KIF19: variants seen among roughly 807,000 people sequenced by gnomAD.
KIF19 encodes the protein kinesin family member 19, also known as kinesin-like protein KIF19.
A neutral mutation model predicts 106.6 loss-of-function variants in KIF19; 98 were observed. The ratio of observed to expected loss-of-function variants is 0.92; its 90% CI spans 0.78 to 1.09. The LOEUF (loss-of-function observed/expected upper bound fraction) is 1.09, where lower values mean the gene tolerates loss of function less well. KIF19 is among the 50% of genes least tolerant of loss of function. The pLI is 0.00. For synonymous variants in KIF19, 516 were observed against 584.2 expected (o/e 0.88, Z 1.68); for missense variants, 1,373 against 1,414.3 (o/e 0.97, Z 0.47).
chr17:74,353,639 T>G (rs897640460), intron 17 of KIF19, 58 bp downstream of exon 17: 7 of 1,390,282 alleles, frequency 5.0e-6, no homozygotes, highest in Non-Finnish European at 6.1e-6. Flanking sequence ...ACTGTTCAGA[T>G]CACCCAGCTC....
intron 2 of KIF19, chr17:74,328,733 TGGG>T (rs2053987524): frequency 2.1e-6 from 1 of 485,776 alleles, no homozygotes; most frequent in African/African-American, 2.0e-5. Flanking sequence ...CTAGCCTGGG[TGGG>T]CCCTGATCCT....
chr17:74,335,546 C>T (rs1200972857), intron 2 of KIF19, among the ~76,000 whole-genome samples: 3 of 152,338 alleles, frequency 2.0e-5, no homozygotes, highest in East Asian at 3.9e-4. Flanking sequence ...TAAAAGACTC[C>T]GACTCCGTCT....
Position 74,351,925 on chromosome 17 carries a change from C to G in KIF19, c.1646C>G (p.Thr549Arg), listed in dbSNP as rs1200415976. 2.8e-5 allele frequency: 41 copies of G among 1,446,734 alleles called. No homozygotes were observed. The highest frequency in any genetic ancestry group is 7.5e-5 in the African/African-American group (5 of 66,988). 89.6% of individuals were successfully genotyped at this position (1,446,734 alleles called of 1,614,324 possible). A position where few individuals can be genotyped will look rare whatever the true frequency, so the allele number is the denominator to read the frequency against. Reference sequence around the variant, plus strand: ...GCGCGGGGCCGGCGCCTGGAGGAGACGCTGCCGCGGCGCATCGGCTCCGAG... The same window carrying G: ...GCGCGGGGCCGGCGCCTGGAGGAGAGGCTGCCGCGGCGCATCGGCTCCGAG... ...LRARGRRLEE[T>R]LPRRIGSEEQ... Residue 549 changes from threonine to arginine, a missense_variant, in exon 13 of 20, where the codon ACG becomes AGG. Transcript: ENST00000389916.
intron 12 of KIF19, 192 bp downstream of exon 12, chr17:74,351,097 T>C: frequency 1.6e-6 from 1 of 629,162 alleles, no homozygotes; most frequent in Non-Finnish European, 2.9e-6. Flanking sequence ...ATGGGAGCAG[T>C]CCATGGTGCA....
At chr17:74,347,232 C>G (rs1755676447) in intron 8 of KIF19, among the ~76,000 whole-genome samples, 1 of 152,146 alleles carries the variant, frequency 6.6e-6, no homozygotes, top group African/African-American at 2.4e-5. Flanking sequence ...TGCAAAAGGA[C>G]TGCCCCCTTA....
At chr17:74,336,972 CGT>C (rs2054233186) in intron 2 of KIF19, among the ~76,000 whole-genome samples, 1 of 151,916 alleles carries the variant, frequency 6.6e-6, no homozygotes, top group Admixed American at 6.6e-5. Context: ...ACTACAGGCG[CGT>C]GCCACCATGC....
chr17:74,352,149 G>GC lies in KIF19; in HGVS notation c.1858+17dup. 6 of 1,582,178 alleles carry GC rather than the reference G, an allele frequency of 3.8e-6. 1 individual carries two copies. The African/African-American group carries it at 5.4e-5, about 14-fold the overall frequency. ...GCAGATCATCGACGGTAGGGCCCAC[G>GC]CCCCCGCGCATCTGAGCCACCCGCG... On this transcript the variant is annotated intron_variant, in intron 13 of 19. Transcript: ENST00000389916.
At chr17:74,328,326 T>C (rs970233118) in intron 1 of KIF19, 99 bp from the exon 2 acceptor site, 2 of 1,077,896 alleles carry the variant, frequency 1.9e-6, no homozygotes, top group Admixed American at 2.2e-5. Context: ...AGGCCTGAGA[T>C]GGCTGAATGC....
chr17:74,355,135 G>A (rs1382751347), intron 19 of KIF19, 47 bp from the exon 20 acceptor site: 1 of 1,557,672 alleles, frequency 6.4e-7, no homozygotes, highest in Admixed American at 1.8e-5. Flanking sequence ...GAGAGGAGTT[G>A]GGGAGGCATT....
At position 74,328,521 on chromosome 17, in the gene KIF19, C is replaced by T. The variant is rs377445897; in HGVS notation, c.120+16C>T. On this transcript the variant is annotated intron_variant, in intron 2 of 19. Coordinates refer to ENST00000389916, the MANE Select transcript of KIF19 (RefSeq NM_153209.4). ...GGATGAGCAGGTATGCAGGGCTCTG[C>T]AGCAGGAGCTGCAGGGCAGAGGTCT... 1.3e-5 allele frequency: 21 copies of T among 1,592,840 alleles called. No individual in the cohort carries two copies. The highest frequency in any genetic ancestry group is 1.5e-5 in the Non-Finnish European group (18 of 1,169,506).
In KIF19 at chr17:74,341,916, T is replaced by C. The variant is rs1437172071; in HGVS notation, c.161T>C (p.Ile54Thr). 1.2e-6 allele frequency: 2 copies of C among 1,613,632 alleles called. No individual in the cohort carries two copies. The highest frequency in any genetic ancestry group is 1.3e-5 in the African/African-American group (1 of 75,010). ...GACCCAATGGAGGATCCCGACGACA[T>C]CCTGCGGGCGCATCGCTCCCGGGAG... ...LMDPMEDPDD[I>T]LRAHRSREKS... Residue 54 changes from isoleucine to threonine, a missense_variant, in exon 3 of 20, where the codon ATC (isoleucine) becomes ACC (threonine). By Grantham distance (89) the Ile-to-Thr change is moderately conservative (BLOSUM62 -1). Around this residue, in one of 3 missense-constraint regions of KIF19, gnomAD observed 348 missense variants for 389.5 expected, o/e 0.89. Transcript: ENST00000389916.
intron 6 of KIF19, 91 bp downstream of exon 6, chr17:74,344,439 C>G: frequency 1.3e-6 from 2 of 1,526,950 alleles, no homozygotes; most frequent in Non-Finnish European, 1.8e-6. Flanking sequence ...GGGAGCTGCT[C>G]CCCACTCGGC....
Position 74,344,240 on chromosome 17 carries a change from C to G in KIF19, c.474C>G (p.Ile158Met). The change falls in exon 6 of 20, where the codon ATC becomes ATG. Residue 158 changes from isoleucine (I) to methionine (M), a missense_variant. Transcript: ENST00000389916. ...MSYLEIYNEM[I>M]RDLLNPSLGY... ...CCCGTCAGATCTACAATGAGATGAT[C>G]CGGGACCTGCTGAACCCCTCCCTGG... 6.2e-7 allele frequency: 1 copy of G among 1,611,360 alleles called. No homozygotes were observed.
intron 2 of KIF19, among the ~76,000 whole-genome samples, chr17:74,337,273 G>A (rs1367201839): frequency 1.3e-5 from 2 of 150,006 alleles, no homozygotes; most frequent in African/African-American, 2.4e-5. Flanking sequence ...AACCAGGGGG[G>A]CCTTTAGAGG....
intron 2 of KIF19, among the ~76,000 whole-genome samples, chr17:74,330,838 G>C (rs1551856): frequency 6.6e-6 from 1 of 151,952 alleles, no homozygotes; most frequent in Non-Finnish European, 1.5e-5. Flanking sequence ...CTGGAGGTGC[G>C]GAGAGTCTTG....
chr17:74,337,371 C>T (rs377208701), intron 2 of KIF19, among the ~76,000 whole-genome samples: 17 of 152,146 alleles, frequency 1.1e-4, no homozygotes, highest in South Asian at 8.3e-4. Context: ...GTGGGGCATG[C>T]GTGTGCTGGC....
Position 74,352,863 on chromosome 17 carries a change from A to G in KIF19, c.2023A>G (p.Thr675Ala). ...AATTACCCCAGCAGGAACCTCACTG[A>G]CCCCAGATTCTGACCTGGAGAGTGT... ...PKITPAGTSL[T>A]PDSDLESVKT... Residue 675 changes from threonine to alanine, a missense_variant, in exon 15 of 20, where the codon ACC (threonine) becomes GCC (alanine). This residue lies in a region of KIF19 where 1,020 missense variants were observed against 1,008.2 expected (regional missense o/e 1.01). Transcript: ENST00000389916. 6.2e-7 allele frequency: 1 copy of G among 1,613,876 alleles called. No individual in the cohort carries two copies. The highest frequency in any genetic ancestry group is 8.5e-7 in the Non-Finnish European group (1 of 1,179,856).
In KIF19 at chr17:74,355,230, G is replaced by A. The variant is rs1270501344; in HGVS notation, c.2915G>A (p.Gly972Asp). The change falls in exon 20 of 20, where the codon GGT becomes GAT. Residue 972 changes from glycine (G) to aspartate (D), a missense_variant. Physicochemically the swap from Gly to Asp is moderately conservative, Grantham distance 94. This residue lies in a region of KIF19 where 1,020 missense variants were observed against 1,008.2 expected (regional missense o/e 1.01). Transcript: ENST00000389916. ...PLAVPPNPGGGSRRATRGPRL... is the reference protein window; with the variant it reads ...PLAVPPNPGGDSRRATRGPRL... ...GCTGTTCCCCCCAACCCAGGTGGTG[G>A]TTCTCGACGGGCTACCCGTGGGCCC... 2 of 1,612,800 alleles carry A rather than the reference G, an allele frequency of 1.2e-6. No homozygotes were observed. Among genetic ancestry groups the A allele is most frequent in the South Asian group, 2.2e-5 (2 of 91,016 alleles).
intron 2 of KIF19, among the ~76,000 whole-genome samples, chr17:74,340,165 C>A (rs889622078): frequency 5.9e-5 from 9 of 152,172 alleles, no homozygotes; most frequent in African/African-American, 2.2e-4. Context: ...GCCCGACCAC[C>A]AATAAGAGGT....
Sources: allele counts gnomAD v4.1 joint callset (sites outside exome capture counted in the v4.1 genomes callset), GRCh38; gene constraint gnomAD v4.1.1; regional missense constraint gnomAD v4.1.1; transcripts MANE v1.5; gene names NCBI Gene and HGNC (gene_info 2026-07-23, HGNC 2026-07-21).